UVSSA: variants seen among roughly 807,000 people sequenced by gnomAD.
UVSSA encodes UV-stimulated scaffold protein A.
A neutral mutation model predicts 73.9 loss-of-function variants in UVSSA; 72 were observed. That is an observed-to-expected ratio of 0.97 (90% CI 0.81 to 1.19). UVSSA has a LOEUF of 1.19. Among genes scored for constraint, UVSSA ranks in the 50% most tolerant of loss-of-function variants. The probability of loss-of-function intolerance (pLI) is 0.00; values close to 1 mark genes in which losing one functional copy is unlikely to be tolerated. For missense variants in UVSSA, 1,150 were observed against 965.0 expected, an observed-to-expected ratio of 1.19 and a Z score of -2.54; for synonymous variants, 454 against 391.3, an observed-to-expected ratio of 1.16 and a Z score of -1.89.
chr4:1,375,577 G>C (rs1014656992), intron 9 of UVSSA, 69 bp downstream of exon 9: 1 of 1,555,374 alleles, frequency 6.4e-7, no homozygotes, highest in Non-Finnish European at 8.7e-7. Context: ...CAGAGCACTG[G>C]CCGGCCTCGA....
chr4:1,345,644 C>CAAAAAAAA (rs71168831), upstream of UVSSA, among the ~76,000 whole-genome samples: 28 of 55,952 alleles, frequency 5.0e-4, 4 homozygotes, highest in African/African-American at 2.5e-3. Flanking sequence ...GACTTTGTCT[C>CAAAAAAAA]AAAAAAAAAA....
At position 1,376,163 on chromosome 4, in the gene UVSSA, T is replaced by A. The variant is rs762260252; in HGVS notation, c.1563T>A (p.Ile521=). The stretch of plus-strand genomic sequence containing the variant: ...AGGAGCTCCCCACAGCCGGGAAGAT[T>A]GTCAAGTGAGTCCCCATGTGTCTGA... ...WGQELPTAGK[I]VKSDSQHRFW... The change falls in exon 10 of 14, where the codon ATT becomes ATA. Residue 521 remains isoleucine (I), a synonymous_variant. Coordinates refer to ENST00000389851, the MANE Select transcript of UVSSA (RefSeq NM_020894.4). The A allele has an allele frequency of 6.2e-7, 1 of 1,609,728 alleles. No homozygotes were observed. Among genetic ancestry groups the A allele is most frequent in the Non-Finnish European group, 8.5e-7 (1 of 1,178,292 alleles).
rs574468556 is a variant in UVSSA, at chr4:1,381,447, C to T, written c.1861+459C>T. 5.9e-5 allele frequency among the ~76,000 whole-genome samples: 9 copies of T among 152,356 alleles called. No individual in the cohort carries two copies. In the East Asian group the frequency reaches 1.7e-3, roughly 29 times the overall value. ...GCTCTGTCCAGGAGGCGTGTGGCCA[C>T]TGCTATGGCGGCAGGAGTGCGGGTG... On this transcript the variant is annotated intron_variant, in intron 12 of 13. Transcript: ENST00000389851.
chr4:1,353,812 A>G (rs1715195880), intron 5 of UVSSA, among the ~76,000 whole-genome samples: 1 of 152,144 alleles, frequency 6.6e-6, no homozygotes, highest in Admixed American at 6.5e-5. Context: ...CAGGCCTGTC[A>G]GGGTCCCGTG....
chr4:1,353,571 C>T (rs1014783364), intron 5 of UVSSA, among the ~76,000 whole-genome samples, 158 bp downstream of exon 5: 17 of 152,198 alleles, frequency 1.1e-4, no homozygotes, highest in African/African-American at 4.1e-4. Context: ...TCTGTGTGGC[C>T]TCTGCACTGG....
intron 7 of UVSSA, 138 bp downstream of exon 7, chr4:1,355,383 C>G (rs572618021): frequency 4.8e-6 from 4 of 828,876 alleles, no homozygotes; most frequent in Middle Eastern, 3.6e-4. Flanking sequence ...CTCAGCAGGA[C>G]CTGCCTCCCC....
chr4:1,357,024 G>A (rs1288136646), intron 7 of UVSSA: 1 of 152,542 alleles, frequency 6.6e-6, no homozygotes, highest in African/African-American at 2.4e-5. Flanking sequence ...CGGGGCTGAT[G>A]GGTGGCATGG....
chr4:1,357,744 G>A (rs1015277082), intron 7 of UVSSA, among the ~76,000 whole-genome samples: 1 of 152,246 alleles, frequency 6.6e-6, no homozygotes, highest in African/African-American at 2.4e-5. Context: ...GGGCTCAGGA[G>A]TGCTGGCCTC....
chr4:1,392,539 G>T (rs1423959423), downstream of UVSSA: 1 of 152,212 alleles, frequency 6.6e-6, no homozygotes, highest in Non-Finnish European at 1.5e-5. Flanking sequence ...AAGAATAATT[G>T]TGCTGGATAT....
intron 12 of UVSSA, among the ~76,000 whole-genome samples, chr4:1,381,660 T>G (rs988214653): frequency 6.6e-6 from 1 of 150,974 alleles, no homozygotes; most frequent in Non-Finnish European, 1.5e-5. Flanking sequence ...CCTCAGGCGC[T>G]CTCTCTTCTT....
intron 7 of UVSSA, among the ~76,000 whole-genome samples, chr4:1,363,808 G>C (rs1055246043): frequency 2.0e-5 from 3 of 152,360 alleles, no homozygotes; most frequent in Non-Finnish European, 4.4e-5. Context: ...GTGGAGACAG[G>C]CTTCCCTTTT....
chr4:1,353,571 C>G (rs1014783364), intron 5 of UVSSA, among the ~76,000 whole-genome samples, 158 bp downstream of exon 5: 3 of 152,198 alleles, frequency 2.0e-5, no homozygotes, highest in Non-Finnish European at 4.4e-5. Context: ...TCTGTGTGGC[C>G]TCTGCACTGG....
chr4:1,391,632 T>C (rs903609901), downstream of UVSSA: 4 of 152,246 alleles, frequency 2.6e-5, no homozygotes, highest in African/African-American at 9.6e-5. Context: ...ATTGTTTGCA[T>C]GGTATCTTTT....
At chr4:1,365,502 C>T (rs1717189461) in intron 7 of UVSSA, among the ~76,000 whole-genome samples, 1 of 152,204 alleles carries the variant, frequency 6.6e-6, no homozygotes, top group Non-Finnish European at 1.5e-5. Context: ...GCAAGCCTTC[C>T]TGCCATTCTC....
chr4:1,370,678 C>G (rs1717921650), intron 8 of UVSSA, among the ~76,000 whole-genome samples: 1 of 152,226 alleles, frequency 6.6e-6, no homozygotes, highest in African/African-American at 2.4e-5. Context: ...ACACCCTATT[C>G]ACGAAAACAG....
At position 1,375,214 on chromosome 4, in the gene UVSSA, C is replaced by A. The variant is rs546316086; in HGVS notation, c.1289-150C>A. ...CTGCTGCTCCGGGCCTCACCCTCGC[C>A]CGTGAGGAGCAGATAGCAGGCACCC... On this transcript the variant is annotated intron_variant, in intron 8 of 13. Transcript: ENST00000389851. The A allele has an allele frequency of 1.1e-5, 15 of 1,308,354 alleles. No homozygotes were observed. The Admixed American group carries it at 2.1e-4, about 19-fold the overall frequency. 81.0% of individuals were successfully genotyped at this position (1,308,354 alleles called of 1,614,324 possible). A position where few individuals can be genotyped will look rare whatever the true frequency, so the allele number is the denominator to read the frequency against.
chr4:1,378,781 G>A (rs7655119), intron 10 of UVSSA, among the ~76,000 whole-genome samples: 76,617 of 152,034 alleles, frequency 0.5, 19,574 homozygotes, highest in Non-Finnish European at 0.54. Flanking sequence ...GGGCGGTCAG[G>A]CACCCTCGGG....
At chr4:1,366,482 C>G (rs762760560) in intron 8 of UVSSA, 51 bp downstream of exon 8, 2 of 1,412,150 alleles carry the variant, frequency 1.4e-6, no homozygotes, top group Non-Finnish European at 9.8e-7. Flanking sequence ...GTCCCCCACT[C>G]AGGATGTGGC....
intron 2 of UVSSA, among the ~76,000 whole-genome samples, chr4:1,348,623 G>A (rs1416045685): frequency 6.6e-6 from 1 of 152,198 alleles, no homozygotes; most frequent in Non-Finnish European, 1.5e-5. Context: ...GATCTCTGCC[G>A]TCACCCTCAG....
Sources: allele counts gnomAD v4.1 joint callset (sites outside exome capture counted in the v4.1 genomes callset), GRCh38; gene constraint gnomAD v4.1.1; transcripts MANE v1.5; gene names NCBI Gene and HGNC (gene_info 2026-07-23, HGNC 2026-07-21).